HNMT: variants seen among roughly 807,000 people sequenced by gnomAD.
HNMT encodes histamine N-methyltransferase.
In HNMT, 30 loss-of-function variants were observed where a neutral mutation model predicts 32.1. The ratio of observed to expected loss-of-function variants is 0.93; its 90% CI spans 0.70 to 1.27. The LOEUF (loss-of-function observed/expected upper bound fraction) is 1.27. HNMT is among the 50% of genes most tolerant of loss of function. HNMT has a pLI of 0.00. For synonymous variants in HNMT, 125 were observed against 119.0 expected, an observed-to-expected ratio of 1.05 and a Z score of -0.33; for missense variants, 327 against 346.0, an observed-to-expected ratio of 0.95 and a Z score of 0.43.
intron 1 of HNMT, among the ~76,000 whole-genome samples, chr2:137,966,589 T>G (rs1679964672): frequency 6.6e-6 from 1 of 152,230 alleles, no homozygotes; most frequent in African/African-American, 2.4e-5. Flanking sequence ...TACGTACAAC[T>G]TTTTGTTCTC....
chr2:138,010,241 GT>G (rs1411758348), intron 5 of HNMT, among the ~76,000 whole-genome samples: 1 of 151,900 alleles, frequency 6.6e-6, no homozygotes, highest in East Asian at 1.9e-4. Context: ...TAGTAAATAT[GT>G]TTTAATTGAA....
intron 5 of HNMT, among the ~76,000 whole-genome samples, chr2:138,009,656 C>T (rs1364590285): frequency 6.6e-6 from 1 of 151,936 alleles, no homozygotes; most frequent in East Asian, 1.9e-4. Context: ...AATTTGATCA[C>T]AAGAAATTTC....
intron 2 of HNMT, among the ~76,000 whole-genome samples, chr2:137,973,474 T>G (rs1680194485): frequency 1.3e-5 from 2 of 152,182 alleles, no homozygotes; most frequent in African/African-American, 4.8e-5. Context: ...TCCAAATCAT[T>G]CATTAAACTC....
chr2:137,971,812 T>C (rs939802924), intron 2 of HNMT, among the ~76,000 whole-genome samples: 3 of 152,052 alleles, frequency 2.0e-5, no homozygotes, highest in African/African-American at 7.2e-5. Flanking sequence ...GCCTTATTTT[T>C]AAGTCATCTG....
intron 2 of HNMT, among the ~76,000 whole-genome samples, 161 bp from the exon 3 acceptor site, chr2:138,000,757 A>C (rs1384862705): frequency 3.3e-5 from 5 of 152,170 alleles, no homozygotes; most frequent in African/African-American, 1.2e-4. Flanking sequence ...CCTACTTAGA[A>C]CCTAGCTGCC....
chr2:137,981,906 T>A (rs1680512765), intron 2 of HNMT, among the ~76,000 whole-genome samples: 1 of 152,164 alleles, frequency 6.6e-6, no homozygotes, highest in Non-Finnish European at 1.5e-5. Context: ...CAGGTTGGAG[T>A]GCAGTGCCGC....
At chr2:138,013,165 G>T (rs1681560856) in intron 5 of HNMT, among the ~76,000 whole-genome samples, 1 of 152,102 alleles carries the variant, frequency 6.6e-6, no homozygotes, top group Admixed American at 6.6e-5. Flanking sequence ...GTGCTCCATA[G>T]CAACAAGTGG....
At chr2:138,004,188 G>A (rs1323818868) in intron 4 of HNMT, among the ~76,000 whole-genome samples, 1 of 152,102 alleles carries the variant, frequency 6.6e-6, no homozygotes, top group East Asian at 1.9e-4. Flanking sequence ...TAGATTGTTA[G>A]CCATCATATT....
chr2:137,973,730 C>T (rs1680201507), intron 2 of HNMT, among the ~76,000 whole-genome samples: 1 of 152,062 alleles, frequency 6.6e-6, no homozygotes, highest in Non-Finnish European at 1.5e-5. Context: ...TAAAAGCCTT[C>T]CTAGATGAAA....
chr2:137,997,524 T>C (rs537589516), intron 2 of HNMT, among the ~76,000 whole-genome samples: 84 of 152,162 alleles, frequency 5.5e-4, no homozygotes, highest in African/African-American at 1.9e-3. Context: ...CAGGAAACAA[T>C]AGATGCTGGC....
chr2:137,992,309 C>T (rs1680845812), intron 2 of HNMT, among the ~76,000 whole-genome samples: 1 of 152,186 alleles, frequency 6.6e-6, no homozygotes, highest in African/African-American at 2.4e-5. Context: ...CTGCCTAACA[C>T]AAAGCTCCCT....
At position 138,014,058 on chromosome 2, in the gene HNMT, T is replaced by C; in HGVS notation, c.807T>C (p.Pro269=). 1 of 1,613,266 alleles carries C rather than the reference T, an allele frequency of 6.2e-7. No homozygotes were observed. Among genetic ancestry groups the C allele is most frequent in the Non-Finnish European group, 8.5e-7 (1 of 1,179,430 alleles). The change falls in exon 6 of 6, where the codon CCT becomes CCC. Residue 269 remains proline (P), a synonymous_variant. Coordinates refer to ENST00000280097, the MANE Select transcript of HNMT (RefSeq NM_006895.3). Reference sequence around the variant, plus strand: ...AGCTTGGGAAAGATCTACAAGAGCCTGAATTTAGTGCTAAGAAAGAGGGGA... The same window carrying C: ...AGCTTGGGAAAGATCTACAAGAGCCCGAATTTAGTGCTAAGAAAGAGGGGA... The part of the protein sequence containing the change: ...RAELGKDLQE[P]EFSAKKEGKV...
chr2:137,978,186 T>G (rs1350661460), intron 2 of HNMT, among the ~76,000 whole-genome samples: 1 of 151,856 alleles, frequency 6.6e-6, no homozygotes, highest in Non-Finnish European at 1.5e-5. Context: ...AATTTATGGC[T>G]CATTTTCAGT....
rs1680381750 is a variant in HNMT at position 137,978,787 on chromosome 2, CTTT to C, written c.190+8571_190+8573del. Among the ~76,000 whole-genome samples the C allele has an allele frequency of 7.3e-5, 10 of 136,934 alleles. No individual in the cohort carries two copies. In the South Asian group the frequency reaches 9.4e-4, roughly 13 times the overall value. 89.8% of individuals were successfully genotyped at this position (136,934 alleles called of 152,430 possible). A position where few individuals can be genotyped will look rare whatever the true frequency, so the allele number is the denominator to read the frequency against. On this transcript the variant is annotated intron_variant, in intron 2 of 5. Transcript: ENST00000280097. ...TTATATAATATAGTATTATATAATACTTTATAATTATGTAATATAGTATTATAT... is the reference window on the plus strand; with the variant it reads ...TTATATAATATAGTATTATATAATACATAATTATGTAATATAGTATTATAT...
chr2:137,995,474 T>G (rs1386865825), intron 2 of HNMT, among the ~76,000 whole-genome samples: 1 of 152,108 alleles, frequency 6.6e-6, no homozygotes, highest in Non-Finnish European at 1.5e-5. Context: ...AAGAAGAAGT[T>G]GAATCCCTGA....
At chr2:137,966,823 G>A (rs1679972518) in intron 1 of HNMT, among the ~76,000 whole-genome samples, 1 of 152,042 alleles carries the variant, frequency 6.6e-6, no homozygotes. Context: ...TATTAAGGAG[G>A]GAATTTATTT....
At chr2:138,007,740 A>G (rs1008089484) in intron 5 of HNMT, among the ~76,000 whole-genome samples, 1 of 152,004 alleles carries the variant, frequency 6.6e-6, no homozygotes, top group African/African-American at 2.4e-5. Flanking sequence ...ACATGGACAT[A>G]GTCCTACCTC....
intron 2 of HNMT, chr2:137,981,412 A>G (rs764008171): frequency 6.4e-7 from 1 of 1,559,034 alleles, no homozygotes; most frequent in Non-Finnish European, 8.8e-7. Context: ...TTTAAGTGTC[A>G]TCTTTTCCAT....
At chr2:137,970,096 G>C (rs1419896619) in intron 1 of HNMT, 69 bp from the exon 2 acceptor site, 2 of 798,406 alleles carry the variant, frequency 2.5e-6, no homozygotes, top group African/African-American at 3.5e-5. Context: ...TCTTCAACTA[G>C]ACTAGATAAT....
Sources: gnomAD v4.1 joint callset for allele counts (sites outside exome capture counted in the v4.1 genomes callset) on GRCh38, gnomAD v4.1.1 for gene constraint, MANE v1.5 for transcripts, NCBI Gene and HGNC (gene_info 2026-07-23, HGNC 2026-07-21) for gene names.